ATN1: variants seen among roughly 807,000 people sequenced by gnomAD.
ATN1 encodes atrophin 1.
In ATN1, 19 loss-of-function variants were observed where a neutral mutation model predicts 85.8. The ratio of observed to expected loss-of-function variants is 0.22; its 90% CI spans 0.15 to 0.32. ATN1 has a LOEUF of 0.32. Among genes scored for constraint, ATN1 ranks in the 10% least tolerant of loss-of-function variants. The pLI, the probability that ATN1 is intolerant of heterozygous loss-of-function variation, is 1.00. For synonymous variants in ATN1, 674 were observed against 657.0 expected, an observed-to-expected ratio of 1.03 and a Z score of -0.39; for missense variants, 1,453 against 1,564.5, an observed-to-expected ratio of 0.93 and a Z score of 1.20.
rs1301554189 is a variant in ATN1, at chr12:6,927,972, G to T, written c.-575G>T. ...GGCGGGGGCCGCGGGCGAGGCGGCC[G>T]AGGGGCCCGGGATCGCGCGGGTGCG... On this transcript the variant is annotated 5_prime_UTR_variant, in exon 1 of 10. Transcript: ENST00000396684. Among the ~76,000 whole-genome samples, 4 of 147,372 alleles carry T rather than the reference G, an allele frequency of 2.7e-5. No individual in the cohort carries two copies. Among genetic ancestry groups the T allele is most frequent in the Non-Finnish European group, 4.5e-5 (3 of 66,372 alleles).
intron 1 of ATN1, among the ~76,000 whole-genome samples, chr12:6,930,956 C>T (rs1184555454): frequency 6.6e-6 from 1 of 152,164 alleles, no homozygotes; most frequent in Admixed American, 6.5e-5. Flanking sequence ...TGACCCAGGT[C>T]TAGAAAGACA....
In ATN1 at chr12:6,934,085, A is replaced by G; in HGVS notation, c.27+57A>G. On this transcript the variant is annotated intron_variant, in intron 2 of 9. Coordinates refer to ENST00000396684, the MANE Select transcript of ATN1 (RefSeq NM_001940.4). The surrounding 1 kb of genome is among the most constrained non-coding windows in gnomAD (Gnocchi z 4.5). Reference sequence around the variant, plus strand: ...GGGCGGGGCAGGCAAGCTAGGAGGAAGGGTCTAGAGAAGAAGAACAAATAA... The same window carrying G: ...GGGCGGGGCAGGCAAGCTAGGAGGAGGGGTCTAGAGAAGAAGAACAAATAA... 5 of 1,612,508 alleles carry G rather than the reference A, an allele frequency of 3.1e-6. No homozygotes were observed. Among genetic ancestry groups the G allele is most frequent in the Non-Finnish European group, 4.2e-6 (5 of 1,179,114 alleles).
rs1313794512 is a variant in ATN1, at chr12:6,938,648, G to A, written c.2685G>A (p.Met895Ile). 3 of 1,614,100 alleles carry A rather than the reference G, an allele frequency of 1.9e-6. No homozygotes were observed. The highest frequency in any genetic ancestry group is 2.5e-6 in the Non-Finnish European group (3 of 1,180,054). Residue 895 changes from methionine to isoleucine, a missense_variant, in exon 7 of 10, where the codon ATG (methionine) becomes ATA (isoleucine). Around this residue, in one of 6 missense-constraint regions of ATN1, gnomAD observed 208 missense variants for 263.4 expected, o/e 0.79. Coordinates refer to ENST00000396684, the MANE Select transcript of ATN1 (RefSeq NM_001940.4). ...TLSEYARPHVMSPGNRNHPFY... is the reference protein window; with the variant it reads ...TLSEYARPHVISPGNRNHPFY... Reference sequence around the variant, plus strand: ...GTGAATATGCCCGGCCTCATGTCATGTCTCCTGGCAATCGCAACCATCCAT... The same window carrying A: ...GTGAATATGCCCGGCCTCATGTCATATCTCCTGGCAATCGCAACCATCCAT...
rs1364149956 is a variant in ATN1, at chr12:6,934,897, G to T, written c.279+319G>T. On this transcript the variant is annotated intron_variant, in intron 4 of 9. Coordinates refer to ENST00000396684, the MANE Select transcript of ATN1 (RefSeq NM_001940.4). The surrounding 1 kb of genome is among the most constrained non-coding windows in gnomAD (Gnocchi z 4.5). ...TCTTTCTTTTTTATTGTTTTTTTTT[G>T]TTTGTTTGTTTTTGAGACAGTTTCG... Among the ~76,000 whole-genome samples, 14 of 150,832 alleles carry T rather than the reference G, an allele frequency of 9.3e-5. No individual in the cohort carries two copies. The highest frequency in any genetic ancestry group is 2.1e-4 in the South Asian group (1 of 4,748).
At chr12:6,926,765 G>T (rs1324174601), upstream of ATN1, among the ~76,000 whole-genome samples, 1 of 151,930 alleles carries the variant, frequency 6.6e-6, no homozygotes, top group Non-Finnish European at 1.5e-5. Context: ...CCCCCGCACC[G>T]GCCCCATCTC....
In ATN1 at chr12:6,938,053, C is replaced by T. The variant is rs1243325744; in HGVS notation, c.2503C>T (p.Leu835Phe). 13 of 1,545,322 alleles carry T rather than the reference C, an allele frequency of 8.4e-6. No homozygotes were observed. The highest frequency in any genetic ancestry group is 1.4e-5 in the African/African-American group (1 of 72,780). Reference sequence around the variant, plus strand: ...GCGCGAGCGCGAGAAGGAGCGCGAGCTTGAACGCAGCGTGGTGAGTGCGTC... The same window carrying T: ...GCGCGAGCGCGAGAAGGAGCGCGAGTTTGAACGCAGCGTGGTGAGTGCGTC... Reference protein sequence around the residue: ...KEREREKERELERSVKLAQEG... With the variant: ...KEREREKEREFERSVKLAQEG... The change falls in exon 6 of 10, where the codon CTT (leucine) becomes TTT (phenylalanine). Residue 835 changes from leucine (L) to phenylalanine (F), a missense_variant. By Grantham distance (22) the Leu-to-Phe change is conservative. Coordinates refer to ENST00000396684, the MANE Select transcript of ATN1 (RefSeq NM_001940.4).
upstream of ATN1, among the ~76,000 whole-genome samples, chr12:6,925,270 TA>T (rs1188415503): frequency 6.6e-6 from 1 of 152,090 alleles, no homozygotes; most frequent in Non-Finnish European, 1.5e-5. Context: ...CACATATGCC[TA>T]AATTTTTCTT....
chr12:6,938,565 GC>G lies in ATN1; in HGVS notation c.2603del (p.Ala868GlyfsTer85). On this transcript the variant is annotated frameshift_variant, in exon 7 of 10. Coordinates refer to ENST00000396684, the MANE Select transcript of ATN1 (RefSeq NM_001940.4). LOFTEE classifies it high-confidence loss of function. Reference protein sequence around the residue: ...PHRPPFEPGSAVATVPPYLGP... With the variant: ...PHRPPFEPGSXVATVPPYLGP... ...TCGCCCTCCATTTGAACCGGGCAGT[GC>G]GGTGGCTACAGTGCCCCCCTACCTG... is the stretch of plus-strand genomic sequence containing the variant. The G allele has an allele frequency of 6.2e-7, 1 of 1,614,228 alleles. No homozygotes were observed. Among genetic ancestry groups the G allele is most frequent in the East Asian group, 2.2e-5 (1 of 44,888 alleles).
chr12:6,925,155 A>T (rs782512734), upstream of ATN1, among the ~76,000 whole-genome samples: 6,198 of 148,426 alleles, frequency 0.042, 406 homozygotes, highest in African/African-American at 0.14. Context: ...AGAGAGAGAG[A>T]GAGATGTCCC....
Position 6,941,144 on chromosome 12 carries a change from G to C in ATN1, c.3358+121G>C. 7.4e-7 allele frequency: 1 copy of C among 1,353,198 alleles called. No homozygotes were observed. The highest frequency in any genetic ancestry group is 2.4e-5 in the East Asian group (1 of 41,442). 83.8% of individuals were successfully genotyped at this position (1,353,198 alleles called of 1,614,324 possible). ...ATGAGGAGGTGCCTAGAGGAGCTGG[G>C]CATGGGAATAGGAGAGCTGGAGCTC... is the stretch of plus-strand genomic sequence containing the variant. On this transcript the variant is annotated intron_variant, in intron 8 of 9. Transcript: ENST00000396684. This position sits in a 1 kb window ranked among gnomAD's most constrained non-coding sequence, Gnocchi z 5.9.
chr12:6,928,491 C>T (rs1321816607), intron 1 of ATN1, 107 bp downstream of exon 1: 3 of 152,068 alleles, frequency 2.0e-5, no homozygotes, highest in African/African-American at 7.2e-5. Context: ...CTCCTGCCGC[C>T]GCCGCCTCCA....
Position 6,934,649 on chromosome 12 carries a change from A to C in ATN1, c.279+71A>C. ...TTTCTCAGACTTGCTTATGCTCACTATTCTTAGCTGGATCTCTCCTGGGAC... is the reference window on the plus strand; with the variant it reads ...TTTCTCAGACTTGCTTATGCTCACTCTTCTTAGCTGGATCTCTCCTGGGAC... On this transcript the variant is annotated intron_variant, in intron 4 of 9. Transcript: ENST00000396684. This position sits in a 1 kb window ranked among gnomAD's most constrained non-coding sequence, Gnocchi z 4.5. 1.8e-6 allele frequency: 2 copies of C among 1,137,150 alleles called. No individual in the cohort carries two copies. Among genetic ancestry groups the C allele is most frequent in the South Asian group, 2.7e-5 (2 of 74,646 alleles). 70.4% of individuals were successfully genotyped at this position (1,137,150 alleles called of 1,614,324 possible).
chr12:6,941,264 C>T lies in ATN1; in HGVS notation c.3359-110C>T. ...CAACTTACAGAACTGGGTGTGTTACCTCACTTTTTAGTTCATTACCTTTGT... is the reference window on the plus strand; with the variant it reads ...CAACTTACAGAACTGGGTGTGTTACTTCACTTTTTAGTTCATTACCTTTGT... On this transcript the variant is annotated intron_variant, in intron 8 of 9. Transcript: ENST00000396684. The surrounding 1 kb of genome is among the most constrained non-coding windows in gnomAD (Gnocchi z 5.9). The T allele has an allele frequency of 7.2e-7, 1 of 1,385,198 alleles. No homozygotes were observed. The highest frequency in any genetic ancestry group is 9.8e-7 in the Non-Finnish European group (1 of 1,019,470). 85.8% of individuals were successfully genotyped at this position (1,385,198 alleles called of 1,614,324 possible). A position where few individuals can be genotyped will look rare whatever the true frequency, so the allele number is the denominator to read the frequency against.
At position 6,934,426 on chromosome 12, in the gene ATN1, G is replaced by A. The variant is rs1555143339; in HGVS notation, c.166-39G>A. ...AGAGGGTAACGGTGGAGCTCGGGAGGTAGGGAAAAGACAGGAATTTTCTCT... is the reference window on the plus strand; with the variant it reads ...AGAGGGTAACGGTGGAGCTCGGGAGATAGGGAAAAGACAGGAATTTTCTCT... On this transcript the variant is annotated intron_variant, in intron 3 of 9. Coordinates refer to ENST00000396684, the MANE Select transcript of ATN1 (RefSeq NM_001940.4). This position sits in a 1 kb window ranked among gnomAD's most constrained non-coding sequence, Gnocchi z 4.5. 2 of 1,603,598 alleles carry A rather than the reference G, an allele frequency of 1.2e-6. No individual in the cohort carries two copies. The highest frequency in any genetic ancestry group is 1.1e-5 in the South Asian group (1 of 90,180).
Position 6,938,782 on chromosome 12 carries a change from G to T in ATN1, c.2819G>T (p.Arg940Leu). ...AREREREARE[R>L]DLRDRLKPGF... ...GAGAGGGAACGGGAAGCCCGTGAAC[G>T]AGACCTCCGTGACCGCCTCAAGCCT... The change falls in exon 7 of 10, where the codon CGA becomes CTA. Residue 940 changes from arginine (R) to leucine (L), a missense_variant. This residue lies in a region of ATN1 where 208 missense variants were observed against 263.4 expected (regional missense o/e 0.79). Transcript: ENST00000396684. 6.2e-7 allele frequency: 1 copy of T among 1,614,078 alleles called. No homozygotes were observed. Among genetic ancestry groups the T allele is most frequent in the Non-Finnish European group, 8.5e-7 (1 of 1,180,030 alleles).
chr12:6,931,409 G>GAAA (rs781985905), intron 1 of ATN1, among the ~76,000 whole-genome samples: 63 of 53,530 alleles, frequency 1.2e-3, no homozygotes, highest in Non-Finnish European at 2.0e-3. Flanking sequence ...AGCTGTAGTT[G>GAAA]AAAAAAAAAA....
In ATN1 at chr12:6,935,211, C is replaced by T. The variant is rs1555143413; in HGVS notation, c.280-336C>T. 6.6e-6 allele frequency among the ~76,000 whole-genome samples: 1 copy of T among 152,026 alleles called. No homozygotes were observed. Among genetic ancestry groups the T allele is most frequent in the Non-Finnish European group, 1.5e-5 (1 of 68,006 alleles). On this transcript the variant is annotated intron_variant, in intron 4 of 9. Transcript: ENST00000396684. The surrounding 1 kb of genome is among the most constrained non-coding windows in gnomAD (Gnocchi z 5.3). ...CCAGAAGTGGTATAAAAACCAAGGG[C>T]TTGGGGGATGGAGGATGGTTAAAGT... is the stretch of plus-strand genomic sequence containing the variant.
upstream of ATN1, among the ~76,000 whole-genome samples, chr12:6,925,954 C>T (rs1945395132): frequency 1.3e-5 from 2 of 152,240 alleles, no homozygotes; most frequent in African/African-American, 4.8e-5. Context: ...TGCCTCCCTC[C>T]CATTCTCTGG....
rs782331323 is a variant in ATN1, at chr12:6,934,152, C to A, written c.28-24C>A. On this transcript the variant is annotated intron_variant, in intron 2 of 9. Coordinates refer to ENST00000396684, the MANE Select transcript of ATN1 (RefSeq NM_001940.4). The surrounding 1 kb of genome is among the most constrained non-coding windows in gnomAD (Gnocchi z 4.5). Reference sequence around the variant, plus strand: ...AGGTGCAATGTAAAGAACAGTGTTACCTACCTCCTTCCTCCTCCTGTAGAT... The same window carrying A: ...AGGTGCAATGTAAAGAACAGTGTTAACTACCTCCTTCCTCCTCCTGTAGAT... 6.2e-7 allele frequency: 1 copy of A among 1,613,770 alleles called. No homozygotes were observed. The highest frequency in any genetic ancestry group is 1.3e-5 in the African/African-American group (1 of 74,998).
Sources: allele counts gnomAD v4.1 joint callset (sites outside exome capture counted in the v4.1 genomes callset), GRCh38; gene constraint gnomAD v4.1.1; regional missense constraint gnomAD v4.1.1; non-coding constraint Gnocchi (gnomAD v3.1); transcripts MANE v1.5; gene names NCBI Gene and HGNC (gene_info 2026-07-23, HGNC 2026-07-21).